POPDC2: variants seen among roughly 807,000 people sequenced by gnomAD.
The protein encoded by POPDC2 is popeye domain-containing protein 2.
Under a neutral mutation model 30.5 loss-of-function variants are expected in POPDC2, and 24 were observed. The observed-to-expected ratio is 0.79, with a 90% CI of 0.57 to 1.11. POPDC2 has a LOEUF of 1.11. POPDC2 is among the 50% of genes least tolerant of loss of function. POPDC2 has a pLI of 0.00. For missense variants in POPDC2, 409 were observed against 447.0 expected, an observed-to-expected ratio of 0.91 and a Z score of 0.77; for synonymous variants, 185 against 183.3, an observed-to-expected ratio of 1.01 and a Z score of -0.07.
chr3:119,646,938 G>A (rs763732654), intron 3 of POPDC2, among the ~76,000 whole-genome samples: 9 of 152,238 alleles, frequency 5.9e-5, no homozygotes, highest in Middle Eastern at 3.4e-3. Flanking sequence ...TGCACACTTC[G>A]GGGAACTCAA....
rs1173104121 is a variant in POPDC2 at position 119,642,259 on chromosome 3, C to A, written c.*346G>T. 7.5e-6 allele frequency: 3 copies of A among 402,678 alleles called. No homozygotes were observed. The highest frequency in any genetic ancestry group is 6.0e-5 in the African/African-American group (3 of 50,016). 24.9% of individuals were successfully genotyped at this position (402,678 alleles called of 1,614,324 possible). A position where few individuals can be genotyped will look rare whatever the true frequency, so the allele number is the denominator to read the frequency against. On this transcript the variant is annotated 3_prime_UTR_variant, in exon 4 of 4. Transcript: ENST00000493094. ...AAAGGACGGAATCTGTGCCTCTGCA[C>A]TACCAATGCCTGCTCCTGAAGGAAG...
rs773725036 is a variant in POPDC2 at position 119,642,510 on chromosome 3, G to A, written c.*95C>T. 6.8e-6 allele frequency: 11 copies of A among 1,613,098 alleles called. No individual in the cohort carries two copies. The highest frequency in any genetic ancestry group is 5.5e-5 in the South Asian group (5 of 91,054). On this transcript the variant is annotated 3_prime_UTR_variant, in exon 4 of 4. Transcript: ENST00000493094. ...AGGCGTGTGGGTTGGAGCCAAAGGG[G>A]CCTGTCCCCTGGATATAACTTGAGA... is the stretch of plus-strand genomic sequence containing the variant.
intron 1 of POPDC2, among the ~76,000 whole-genome samples, chr3:119,659,267 T>C (rs1057193344): frequency 6.6e-6 from 1 of 152,220 alleles, no homozygotes; most frequent in Non-Finnish European, 1.5e-5. Context: ...CTCCCATTGT[T>C]GGGCCCTCAG....
In POPDC2 at chr3:119,659,437, G is replaced by T. The variant is rs1191025025; in HGVS notation, c.491+496C>A. Among the ~76,000 whole-genome samples, 7 of 152,276 alleles carry T rather than the reference G, an allele frequency of 4.6e-5. No individual in the cohort carries two copies. In the East Asian group the frequency reaches 1.3e-3, roughly 29 times the overall value. ...TGCTTGATGCCTTGGCAGGGAACAGGGGTTATGAGAACCACCCCGCTATCC... is the reference window on the plus strand; with the variant it reads ...TGCTTGATGCCTTGGCAGGGAACAGTGGTTATGAGAACCACCCCGCTATCC... On this transcript the variant is annotated intron_variant, in intron 1 of 3. Coordinates refer to ENST00000493094, the MANE Select transcript of POPDC2 (RefSeq NM_001369919.2).
chr3:119,657,628 C>T (rs1464977218), intron 1 of POPDC2, among the ~76,000 whole-genome samples: 3 of 152,174 alleles, frequency 2.0e-5, no homozygotes, highest in Admixed American at 1.3e-4. Flanking sequence ...AAGAGAATGG[C>T]GCTGCTGCAG....
chr3:119,652,755 G>A (rs2052827128), intron 2 of POPDC2, among the ~76,000 whole-genome samples: 1 of 152,186 alleles, frequency 6.6e-6, no homozygotes, highest in African/African-American at 2.4e-5. Flanking sequence ...CGGAGGTCAG[G>A]GTAGGAACAT....
intron 3 of POPDC2, among the ~76,000 whole-genome samples, chr3:119,644,255 A>C (rs537630806): frequency 2.6e-5 from 4 of 152,384 alleles, no homozygotes; most frequent in African/African-American, 9.6e-5. Flanking sequence ...AAAATTGTCC[A>C]AATGTCAGAC....
intron 1 of POPDC2, chr3:119,654,831 C>T (rs369285990): frequency 1.9e-6 from 1 of 516,210 alleles, no homozygotes; most frequent in Non-Finnish European, 3.4e-6. Context: ...CATTTTTCCT[C>T]CTCCTTCTCC....
In POPDC2 at chr3:119,660,548, T is replaced by A; in HGVS notation, c.-125A>T. On this transcript the variant is annotated 5_prime_UTR_variant, in exon 1 of 4. Coordinates refer to ENST00000493094, the MANE Select transcript of POPDC2 (RefSeq NM_001369919.2). ...CGGCTTCTCACTACCGACTCCACCT[T>A]TCCTAGAAGGAATGCTTCCGGTGGC... 9.0e-7 allele frequency: 1 copy of A among 1,114,118 alleles called. No homozygotes were observed. Among genetic ancestry groups the A allele is most frequent in the Non-Finnish European group, 1.2e-6 (1 of 804,100 alleles). 69.0% of individuals were successfully genotyped at this position (1,114,118 alleles called of 1,614,324 possible). A position where few individuals can be genotyped will look rare whatever the true frequency, so the allele number is the denominator to read the frequency against.
rs1297006390 is a variant in POPDC2, at chr3:119,642,559, A to G, written c.*46T>C. 10 of 1,604,840 alleles carry G rather than the reference A, an allele frequency of 6.2e-6. No individual in the cohort carries two copies. The Admixed American group carries it at 1.7e-4, about 27-fold the overall frequency. On this transcript the variant is annotated splice_region_variant and 3_prime_UTR_variant, in exon 4 of 4. Coordinates refer to ENST00000493094, the MANE Select transcript of POPDC2 (RefSeq NM_001369919.2). Reference sequence around the variant, plus strand: ...GAGTAGCTCTGGAGAGGAATTCTAGAAGCTGTGGAAAGAAAAAGAGGGAGG... The same window carrying G: ...GAGTAGCTCTGGAGAGGAATTCTAGGAGCTGTGGAAAGAAAAAGAGGGAGG...
chr3:119,643,492 A>C (rs1438764750), intron 3 of POPDC2: 2 of 1,232,318 alleles, frequency 1.6e-6, no homozygotes, highest in East Asian at 5.1e-5. Flanking sequence ...ACTGCTAAAC[A>C]ATTGTACATA....
At chr3:119,649,684 G>C (rs1010029814) in intron 2 of POPDC2, among the ~76,000 whole-genome samples, 1 of 152,168 alleles carries the variant, frequency 6.6e-6, no homozygotes, top group African/African-American at 2.4e-5. Flanking sequence ...GAGGTGCCAG[G>C]CGTTGTGTTA....
chr3:119,657,801 C>A (rs1018612193), intron 1 of POPDC2, among the ~76,000 whole-genome samples: 2 of 152,154 alleles, frequency 1.3e-5, no homozygotes, highest in Non-Finnish European at 2.9e-5. Context: ...CCTTCTTGAT[C>A]TACTGGAAGA....
chr3:119,658,011 CAA>C (rs929970270), intron 1 of POPDC2, among the ~76,000 whole-genome samples: 4 of 152,226 alleles, frequency 2.6e-5, no homozygotes, highest in African/African-American at 9.6e-5. Context: ...TAAAACAAAA[CAA>C]AAAGACTTCT....
rs2052764987 is a variant in POPDC2, at chr3:119,648,102, G to A, written c.*43+17C>T. The A allele has an allele frequency of 7.0e-7, 1 of 1,437,720 alleles. No homozygotes were observed. The highest frequency in any genetic ancestry group is 1.4e-5 in the African/African-American group (1 of 70,062). 89.1% of individuals were successfully genotyped at this position (1,437,720 alleles called of 1,614,324 possible). On this transcript the variant is annotated intron_variant, in intron 3 of 3. Coordinates refer to ENST00000493094, the MANE Select transcript of POPDC2 (RefSeq NM_001369919.2). ...CCATTGACAGGAATGTGCAGCGGCT[G>A]CCTTCTGAGTACTTACATAGGATCC...
chr3:119,656,487 G>A (rs935807311), intron 1 of POPDC2, among the ~76,000 whole-genome samples: 3 of 152,138 alleles, frequency 2.0e-5, no homozygotes, highest in African/African-American at 7.2e-5. Context: ...GCTGCTTGGT[G>A]CCTTTGTACC....
At chr3:119,652,672 C>T (rs1390311595) in intron 2 of POPDC2, among the ~76,000 whole-genome samples, 1 of 152,182 alleles carries the variant, frequency 6.6e-6, no homozygotes, top group Non-Finnish European at 1.5e-5. Flanking sequence ...TGACTGAGCC[C>T]TCCTGGAGGT....
At position 119,660,151 on chromosome 3, in the gene POPDC2, C is replaced by A; in HGVS notation, c.273G>T (p.Gln91His). The A allele has an allele frequency of 1.2e-6, 2 of 1,614,208 alleles. No homozygotes were observed. The highest frequency in any genetic ancestry group is 1.7e-6 in the Non-Finnish European group (2 of 1,180,024). The change falls in exon 1 of 4, where the codon CAG becomes CAT. Residue 91 changes from glutamine to histidine, a missense_variant. Physicochemically the swap from Gln to His is conservative, Grantham distance 24. Coordinates refer to ENST00000493094, the MANE Select transcript of POPDC2 (RefSeq NM_001369919.2). ...SFLLAVVCLLQLAHLVYRLRE... is the reference protein window; with the variant it reads ...SFLLAVVCLLHLAHLVYRLRE... ...GCAGGCGGTATACCAGGTGTGCCAG[C>A]TGGAGCAGGCAGACCACAGCCAGCA...
chr3:119,645,859 T>C (rs2052740906), intron 3 of POPDC2, among the ~76,000 whole-genome samples: 1 of 152,240 alleles, frequency 6.6e-6, no homozygotes. Flanking sequence ...CCTTGCCTTC[T>C]CAGATCAATC....
Sources: allele counts gnomAD v4.1 joint callset (sites outside exome capture counted in the v4.1 genomes callset), GRCh38; gene constraint gnomAD v4.1.1; transcripts MANE v1.5; gene names NCBI Gene and HGNC (gene_info 2026-07-23, HGNC 2026-07-21).